The following RAPGEF5 variants were observed in gnomAD, a reference collection of about 807,000 sequenced individuals.
RAPGEF5 encodes M-Ras-regulated GEF.
In RAPGEF5, 65 loss-of-function variants were observed where a neutral mutation model predicts 125.2. The observed-to-expected ratio is 0.52, with a 90% CI of 0.43 to 0.64. RAPGEF5 has a LOEUF of 0.64. Ranked by LOEUF, RAPGEF5 falls within the 30% of genes least tolerant of loss-of-function variation. The probability of loss-of-function intolerance (pLI) is 0.00; values close to 1 mark genes in which losing one functional copy is unlikely to be tolerated. For missense variants in RAPGEF5, 958 were observed against 1,048.1 expected (o/e 0.91, Z 1.19); for synonymous variants, 391 against 385.9 (o/e 1.01, Z -0.16).
chr7:22,172,187 A>T (rs1784370860), intron 11 of RAPGEF5, among the ~76,000 whole-genome samples: 1 of 151,914 alleles, frequency 6.6e-6, no homozygotes, highest in Non-Finnish European at 1.5e-5. Flanking sequence ...CAGTGGCATG[A>T]TCTCAGCTCA....
At chr7:22,206,688 G>GAAAAAAAAAAAAAAAAAA (rs1202149831) in intron 9 of RAPGEF5, among the ~76,000 whole-genome samples, 1 of 62,596 alleles carries the variant, frequency 1.6e-5, no homozygotes, top group Non-Finnish European at 3.4e-5. Flanking sequence ...CATGTCACAA[G>GAAAAAAAAAAAAAAAAAA]AAAAAAAAAA....
rs192597212 is a variant in RAPGEF5, at chr7:22,329,733, T to C, written c.232-11696A>G. Among the ~76,000 whole-genome samples, 221 of 152,320 alleles carry C rather than the reference T, an allele frequency of 1.5e-3. 1 individual carries two copies. Among genetic ancestry groups the C allele is most frequent in the African/African-American group, 5.2e-3 (215 of 41,582 alleles). On this transcript the variant is annotated intron_variant, in intron 1 of 25. Coordinates refer to ENST00000665637, the MANE Select transcript of RAPGEF5 (RefSeq NM_012294.5). The stretch of plus-strand genomic sequence containing the variant: ...CTTCCACATTTTTGATGTTGGATAT[T>C]GTCAGGTCCAGGGTCAGGATCCAGC...
At chr7:22,316,486 TATA>T (rs1227262605) in intron 2 of RAPGEF5, among the ~76,000 whole-genome samples, 1,565 of 28,128 alleles carry the variant, frequency 0.056, 25 homozygotes, top group Middle Eastern at 0.12. Context: ...TATATATATA[TATA>T]TTTTTTTTTT....
intron 17 of RAPGEF5, among the ~76,000 whole-genome samples, chr7:22,153,560 C>A (rs932136717): frequency 6.6e-6 from 1 of 152,140 alleles, no homozygotes; most frequent in Non-Finnish European, 1.5e-5. Flanking sequence ...CTGTGAGCAA[C>A]AAAGCCATAG....
intron 6 of RAPGEF5, 26 bp downstream of exon 6, chr7:22,291,148 CT>C: frequency 1.9e-6 from 3 of 1,561,840 alleles, no homozygotes; most frequent in Non-Finnish European, 2.6e-6. Flanking sequence ...TTCTGCACCC[CT>C]AGGCAGGAAA....
Position 22,345,696 on chromosome 7 carries a change from CTTTTTTTTTTTT to C in RAPGEF5, c.231+11122_231+11133del, listed in dbSNP as rs60654602. Among the ~76,000 whole-genome samples, 4 of 106,670 alleles carry C rather than the reference CTTTTTTTTTTTT, an allele frequency of 3.7e-5. No homozygotes were observed. In the South Asian group the frequency reaches 1.3e-3, roughly 35 times the overall value. The allele number at this position is 106,670 out of a possible 152,430, so 70.0% of individuals were successfully genotyped here. A position where few individuals can be genotyped will look rare whatever the true frequency, so the allele number is the denominator to read the frequency against. On this transcript the variant is annotated intron_variant, in intron 1 of 25. Transcript: ENST00000665637. Reference sequence around the variant, plus strand: ...GGTAGATTAGAACATGTCTAGGCAGCTTTTTTTTTTTTTTTTTTTTTTTAGAGAGTTATGTGC... The same window carrying C: ...GGTAGATTAGAACATGTCTAGGCAGCTTTTTTTTTTTAGAGAGTTATGTGC...
rs762882249 is a variant in RAPGEF5 at position 22,136,941 on chromosome 7, T to A, written c.2320A>T (p.Ser774Cys). Residue 774 changes from serine (S) to cysteine (C), a missense_variant, in exon 22 of 26, where the codon AGT (serine) becomes TGT (cysteine). Physicochemically the swap from Ser to Cys is moderately radical, Grantham distance 112. Transcript: ENST00000665637. The stretch of plus-strand genomic sequence containing the variant: ...TTGGCTCAACTACTTACTGTTAAAC[T>A]TTCAAGTTCAGAGAAAAGTTTCTTA... ...KFKKLFSELE[S>C]LTDPSLNHKA... 2.5e-6 allele frequency: 4 copies of A among 1,585,084 alleles called. No individual in the cohort carries two copies. The South Asian group carries it at 4.6e-5, about 18-fold the overall frequency.
intron 14 of RAPGEF5, among the ~76,000 whole-genome samples, chr7:22,158,878 C>T (rs1486147785): frequency 6.6e-6 from 1 of 152,200 alleles, no homozygotes; most frequent in Non-Finnish European, 1.5e-5. Context: ...AAGTGATTCT[C>T]CCACCTCTGA....
intron 18 of RAPGEF5, 135 bp downstream of exon 18, chr7:22,150,272 G>A (rs887192580): frequency 3.2e-5 from 25 of 788,020 alleles, no homozygotes; most frequent in Non-Finnish European, 3.9e-5. Context: ...AGACAGGGTT[G>A]CAAACTTCTA....
chr7:22,333,646 T>G (rs1783967112), intron 1 of RAPGEF5, among the ~76,000 whole-genome samples: 1 of 151,950 alleles, frequency 6.6e-6, no homozygotes, highest in South Asian at 2.1e-4. Flanking sequence ...ATGAATGTGC[T>G]TTGGTCAAGG....
chr7:22,183,482 A>G (rs931276031), intron 11 of RAPGEF5, among the ~76,000 whole-genome samples: 1 of 152,142 alleles, frequency 6.6e-6, no homozygotes, highest in Non-Finnish European at 1.5e-5. Context: ...AAAGTTCTCT[A>G]TGGAAGTCTA....
At chr7:22,164,613 T>C (rs759180035) in intron 12 of RAPGEF5, among the ~76,000 whole-genome samples, 8 of 152,204 alleles carry the variant, frequency 5.3e-5, no homozygotes, top group Non-Finnish European at 1.0e-4. Flanking sequence ...GCAAGATATA[T>C]ATTTAAAATA....
At chr7:22,298,311 G>A (rs1783114095) in intron 5 of RAPGEF5, among the ~76,000 whole-genome samples, 1 of 151,814 alleles carries the variant, frequency 6.6e-6, no homozygotes, top group Admixed American at 6.6e-5. Context: ...CCGAGTAGGT[G>A]GGATTACAGC....
At position 22,332,285 on chromosome 7, in the gene RAPGEF5, G is replaced by A. The variant is rs189078280; in HGVS notation, c.232-14248C>T. On this transcript the variant is annotated intron_variant, in intron 1 of 25. Transcript: ENST00000665637. ...TTGCTGTGCCTCCACGCCCTGGGGA[G>A]ATTTAATGCCCTGTCAAACCTTCTT... Among the ~76,000 whole-genome samples the A allele has an allele frequency of 2.6e-5, 4 of 152,334 alleles. No homozygotes were observed. The East Asian group carries it at 7.7e-4, about 29-fold the overall frequency.
At chr7:22,349,466 T>C (rs987488281) in intron 1 of RAPGEF5, among the ~76,000 whole-genome samples, 3 of 150,370 alleles carry the variant, frequency 2.0e-5, no homozygotes, top group Admixed American at 6.6e-5. Context: ...TTAACATTAA[T>C]TGATTGTGCA....
chr7:22,125,733 A>T, intron 24 of RAPGEF5, 75 bp from the exon 25 acceptor site: 1 of 1,335,350 alleles, frequency 7.5e-7, no homozygotes, highest in African/African-American at 1.4e-5. Flanking sequence ...GCCTGCTAGG[A>T]TGGAAGGATA....
chr7:22,283,023 A>G (rs1782709952), intron 6 of RAPGEF5, among the ~76,000 whole-genome samples: 1 of 148,420 alleles, frequency 6.7e-6, no homozygotes, highest in African/African-American at 2.5e-5. Context: ...TTTTCTGCAA[A>G]AAAAAAATAT....
intron 7 of RAPGEF5, among the ~76,000 whole-genome samples, chr7:22,263,249 C>T (rs1331758546): frequency 1.3e-5 from 2 of 152,056 alleles, no homozygotes; most frequent in Admixed American, 6.5e-5. Flanking sequence ...GTTGTGATAC[C>T]ATACTGTAGT....
intron 24 of RAPGEF5, among the ~76,000 whole-genome samples, chr7:22,125,929 C>G (rs1363119720): frequency 2.6e-5 from 4 of 152,178 alleles, no homozygotes; most frequent in African/African-American, 9.7e-5. Flanking sequence ...GGGCGGATCA[C>G]TTGAGGTCAG....
Sources: allele counts gnomAD v4.1 joint callset (sites outside exome capture counted in the v4.1 genomes callset), GRCh38; gene constraint gnomAD v4.1.1; transcripts MANE v1.5; gene names NCBI Gene and HGNC (gene_info 2026-07-23, HGNC 2026-07-21).